Variants in RAB3A observed in about 807,000 individuals in gnomAD.
RAB3A encodes RAB3A, member RAS oncogene family, also known as ras-related protein Rab-3A.
RAB3A carries 5 observed loss-of-function variants against 19.7 expected under a neutral mutation model. That is an observed-to-expected ratio of 0.25 (90% CI 0.13 to 0.53). The LOEUF is 0.53. RAB3A is among the 20% of genes least tolerant of loss of function. RAB3A has a pLI of 0.95. For missense variants in RAB3A, 189 were observed against 305.6 expected (o/e 0.62, Z 2.85); for synonymous variants, 119 against 122.1 (o/e 0.97, Z 0.17).
rs763823723 is a variant in RAB3A, at chr19:18,197,438, CAG to C, written c.*30_*31del. On this transcript the variant is annotated 3_prime_UTR_variant, in exon 5 of 5. Transcript: ENST00000222256. Reference sequence around the variant, plus strand: ...GGTAGTTGGGGGAAGGTGGGGAAGACAGGGAAGAGGGGAAAGGGAGTGGGATG... The same window carrying C: ...GGTAGTTGGGGGAAGGTGGGGAAGACGGAAGAGGGGAAAGGGAGTGGGATG... 6.3e-6 allele frequency: 10 copies of C among 1,587,900 alleles called. No individual in the cohort carries two copies. Among genetic ancestry groups the C allele is most frequent in the South Asian group, 1.1e-5 (1 of 89,274 alleles).
chr19:18,201,263 A>AG (rs1555819265), intron 2 of RAB3A, among the ~76,000 whole-genome samples: 21 of 121,794 alleles, frequency 1.7e-4, no homozygotes, highest in African/African-American at 3.5e-4. Context: ...AAAAAAAAAA[A>AG]AAAGAAAGAA....
Position 18,197,521 on chromosome 19 carries a change from G to A in RAB3A, c.612C>T (p.Gly204=), listed in dbSNP as rs945003093. Residue 204 remains glycine (G), a synonymous_variant, in exon 5 of 5, where the codon GGC becomes GGT. Coordinates refer to ENST00000222256, the MANE Select transcript of RAB3A (RefSeq NM_002866.5). Reference sequence around the variant, plus strand: ...GCACCTGCTGGTCACTGAGCTGTGGGCCCTGCTTGGCGCCTGTGACCGCAG... The same window carrying A: ...GCACCTGCTGGTCACTGAGCTGTGGACCCTGCTTGGCGCCTGTGACCGCAG... ...ADPAVTGAKQ[G]PQLSDQQVPP... 1.2e-6 allele frequency: 2 copies of A among 1,613,410 alleles called. No homozygotes were observed. Among genetic ancestry groups the A allele is most frequent in the Non-Finnish European group, 1.7e-6 (2 of 1,179,944 alleles).
At chr19:18,201,249 CA>C (rs111370852) in intron 2 of RAB3A, among the ~76,000 whole-genome samples, 3,608 of 113,188 alleles carry the variant, frequency 0.032, 132 homozygotes, top group South Asian at 0.13. Flanking sequence ...ACAATAACAA[CA>C]AAAAAAAAAA....
rs1214932172 is a variant in RAB3A at position 18,200,448 on chromosome 19, A to G, written c.229-3T>C. 3 of 1,605,734 alleles carry G rather than the reference A, an allele frequency of 1.9e-6. No individual in the cohort carries two copies. The Admixed American group carries it at 5.2e-5, about 28-fold the overall frequency. On this transcript the variant is annotated splice_region_variant and splice_polypyrimidine_tract_variant and intron_variant, in intron 2 of 4. Transcript: ENST00000222256. ...TACCGCTCTTGCCCTGCTGTGTCCTAGGGAGGAAGAGATGAAGGTCAGAGA... is the reference window on the plus strand; with the variant it reads ...TACCGCTCTTGCCCTGCTGTGTCCTGGGGAGGAAGAGATGAAGGTCAGAGA...
At chr19:18,198,927 T>A in intron 3 of RAB3A, 78 bp from the exon 4 acceptor site, 1 of 1,523,412 alleles carries the variant, frequency 6.6e-7, no homozygotes, top group Non-Finnish European at 8.8e-7. Context: ...GTGGAGCCTG[T>A]GTCCTTGTCC....
intron 4 of RAB3A, among the ~76,000 whole-genome samples, chr19:18,198,032 C>T (rs1394095832): frequency 2.6e-5 from 4 of 152,088 alleles, no homozygotes; most frequent in East Asian, 3.9e-4. Flanking sequence ...TGTGAGCCAG[C>T]GCACCTGGCC....
rs758944651 is a variant in RAB3A at position 18,202,468 on chromosome 19, G to T, written c.228+45C>A. 5 of 1,555,106 alleles carry T rather than the reference G, an allele frequency of 3.2e-6. No individual in the cohort carries two copies. Among genetic ancestry groups the T allele is most frequent in the African/African-American group, 2.7e-5 (2 of 73,626 alleles). On this transcript the variant is annotated intron_variant, in intron 2 of 4. Coordinates refer to ENST00000222256, the MANE Select transcript of RAB3A (RefSeq NM_002866.5). The surrounding 1 kb of genome is among the most constrained non-coding windows in gnomAD (Gnocchi z 4.2). ...AGGTTGGGGCTGCTTTTCCAAGTAC[G>T]GGAATCCAACCGAGCCGGGCGGGAG...
intron 3 of RAB3A, 21 bp downstream of exon 3, chr19:18,200,306 G>A: frequency 6.5e-7 from 1 of 1,545,074 alleles, no homozygotes; most frequent in Non-Finnish European, 8.8e-7. Context: ...GAAAAAAAAA[G>A]AGCAAGTGGG....
chr19:18,201,259 A>G (rs201555922), intron 2 of RAB3A, among the ~76,000 whole-genome samples: 1 of 64,338 alleles, frequency 1.6e-5, no homozygotes, highest in Non-Finnish European at 3.7e-5. Flanking sequence ...CAAAAAAAAA[A>G]AAAAAAAGAA....
chr19:18,201,263 A>AAAAAG (rs1555819266), intron 2 of RAB3A, among the ~76,000 whole-genome samples: 334 of 121,768 alleles, frequency 2.7e-3, no homozygotes, highest in East Asian at 9.1e-3. Flanking sequence ...AAAAAAAAAA[A>AAAAAG]AAAGAAAGAA....
At chr19:18,203,513 C>T (rs1245740657) in intron 1 of RAB3A, among the ~76,000 whole-genome samples, 1 of 152,206 alleles carries the variant, frequency 6.6e-6, no homozygotes, top group Non-Finnish European at 1.5e-5. Flanking sequence ...CACACTTAGG[C>T]CCAGACCCCC....
Position 18,196,903 on chromosome 19 carries a change from G to A in RAB3A, c.*567C>T, listed in dbSNP as rs1423160298. ...TCATGAGGTCAGAACAGGTCTGGTGGGCGGGGGGGGGGGGGGTCCCAGGGT... is the reference window on the plus strand; with the variant it reads ...TCATGAGGTCAGAACAGGTCTGGTGAGCGGGGGGGGGGGGGGTCCCAGGGT... On this transcript the variant is annotated 3_prime_UTR_variant, in exon 5 of 5. Transcript: ENST00000222256. 1.5e-5 allele frequency: 2 copies of A among 136,600 alleles called. No individual in the cohort carries two copies. Among genetic ancestry groups the A allele is most frequent in the African/African-American group, 5.6e-5 (2 of 35,860 alleles). The allele number at this position is 136,600 out of a possible 1,614,324, so 8.5% of individuals were successfully genotyped here. A position where few individuals can be genotyped will look rare whatever the true frequency, so the allele number is the denominator to read the frequency against.
At chr19:18,201,263 A>AAAAAAG (rs1555819266) in intron 2 of RAB3A, among the ~76,000 whole-genome samples, 1 of 121,778 alleles carries the variant, frequency 8.2e-6, no homozygotes, top group Non-Finnish European at 1.7e-5. Context: ...AAAAAAAAAA[A>AAAAAAG]AAAGAAAGAA....
At chr19:18,203,553 C>G (rs1448641400) in intron 1 of RAB3A, among the ~76,000 whole-genome samples, 1 of 152,222 alleles carries the variant, frequency 6.6e-6, no homozygotes, top group Admixed American at 6.5e-5. Context: ...TCCAGGTACA[C>G]AAGCAAGGGT....
Position 18,202,766 on chromosome 19 carries a change from C to T in RAB3A, c.1-26G>A, listed in dbSNP as rs774060646. The T allele has an allele frequency of 1.9e-6, 3 of 1,587,620 alleles. No individual in the cohort carries two copies. Among genetic ancestry groups the T allele is most frequent in the South Asian group, 2.2e-5 (2 of 90,046 alleles). Reference sequence around the variant, plus strand: ...CTGGGGATACCGGGTGTAGCAGAGCCGTGAGGGGGGCTCTCTCCATCCTCA... The same window carrying T: ...CTGGGGATACCGGGTGTAGCAGAGCTGTGAGGGGGGCTCTCTCCATCCTCA... On this transcript the variant is annotated intron_variant, in intron 1 of 4. Coordinates refer to ENST00000222256, the MANE Select transcript of RAB3A (RefSeq NM_002866.5). The surrounding 1 kb of genome is among the most constrained non-coding windows in gnomAD (Gnocchi z 4.2).
intron 3 of RAB3A, among the ~76,000 whole-genome samples, chr19:18,200,020 C>T (rs532398250): frequency 6.6e-6 from 1 of 152,298 alleles, no homozygotes; most frequent in South Asian, 2.1e-4. Flanking sequence ...ATGGCTCACG[C>T]CTGTAATCCC....
At chr19:18,200,730 T>G (rs1255993502) in intron 2 of RAB3A, among the ~76,000 whole-genome samples, 2 of 150,818 alleles carry the variant, frequency 1.3e-5, no homozygotes, top group Admixed American at 6.6e-5. Flanking sequence ...AACCCAGGAG[T>G]TCCAGACCAG....
At chr19:18,201,728 C>T (rs1000344399) in intron 2 of RAB3A, among the ~76,000 whole-genome samples, 2 of 152,096 alleles carry the variant, frequency 1.3e-5, no homozygotes, top group African/African-American at 4.8e-5. Context: ...TAGAAAATAA[C>T]GGTATAAATG....
chr19:18,200,537 G>A lies in RAB3A; in HGVS notation c.229-92C>T, dbSNP rs77434744. On this transcript the variant is annotated intron_variant, in intron 2 of 4. Transcript: ENST00000222256. Reference sequence around the variant, plus strand: ...TGATATCATCCAGTTCAGCCCCCTGGGAGAAGCAGGAGCTTGCCCAGGGGC... The same window carrying A: ...TGATATCATCCAGTTCAGCCCCCTGAGAGAAGCAGGAGCTTGCCCAGGGGC... 9.9e-5 allele frequency: 107 copies of A among 1,078,922 alleles called. 1 individual carries two copies. In the East Asian group the frequency reaches 2.5e-3, roughly 26 times the overall value. 66.8% of individuals were successfully genotyped at this position (1,078,922 alleles called of 1,614,324 possible). A position where few individuals can be genotyped will look rare whatever the true frequency, so the allele number is the denominator to read the frequency against.
Sources: gnomAD v4.1 joint callset for allele counts (sites outside exome capture counted in the v4.1 genomes callset) on GRCh38, gnomAD v4.1.1 for gene constraint, Gnocchi (gnomAD v3.1) non-coding constraint, MANE v1.5 for transcripts, NCBI Gene and HGNC (gene_info 2026-07-23, HGNC 2026-07-21) for gene names.